Variants in SLMAP observed in about 807,000 individuals in gnomAD.
SLMAP encodes the protein sarcolemma associated protein, also known as sarcolemmal membrane-associated protein.
Under a neutral mutation model 128.8 loss-of-function variants are expected in SLMAP, and 44 were observed. That is an observed-to-expected ratio of 0.34 (90% confidence interval 0.27 to 0.44). SLMAP has a LOEUF of 0.44. SLMAP is among the 20% of genes least tolerant of loss of function. The probability of loss-of-function intolerance (pLI) is 1.00; values close to 1 mark genes in which losing one functional copy is unlikely to be tolerated. For missense variants in SLMAP, 787 were observed against 985.3 expected (o/e 0.80, Z 2.69); for synonymous variants, 327 against 348.8 (o/e 0.94, Z 0.70).
At chr3:57,920,922 C>T (rs1200387565) in intron 22 of SLMAP, among the ~76,000 whole-genome samples, 1 of 151,996 alleles carries the variant, frequency 6.6e-6, no homozygotes, top group African/African-American at 2.4e-5. Flanking sequence ...AGGGCTAAGG[C>T]ACAAGAATCC....
At chr3:57,859,231 G>C (rs2094932783) in intron 8 of SLMAP, among the ~76,000 whole-genome samples, 1 of 149,548 alleles carries the variant, frequency 6.7e-6, no homozygotes, top group African/African-American at 2.5e-5. Flanking sequence ...GGCTGAGACA[G>C]AATTGCTTAA....
At chr3:57,902,089 A>T (rs1243303143) in intron 17 of SLMAP, 1 of 152,210 alleles carries the variant, frequency 6.6e-6, no homozygotes, top group Non-Finnish European at 1.5e-5. Flanking sequence ...ACCTTGTATG[A>T]ATCTTCATTC....
intron 6 of SLMAP, among the ~76,000 whole-genome samples, chr3:57,853,728 G>T (rs369811197): frequency 3.0e-4 from 45 of 150,954 alleles, no homozygotes; most frequent in African/African-American, 1.1e-3. Flanking sequence ...ATCACCTGTG[G>T]TCAGGAGTTC....
intron 13 of SLMAP, among the ~76,000 whole-genome samples, chr3:57,869,630 T>TTATATGTATATATATATATA (rs1553900185): frequency 2.6e-5 from 2 of 75,474 alleles, no homozygotes; most frequent in African/African-American, 1.0e-4. Flanking sequence ...CCCATCTCTA[T>TTATATGTATATATATATATA]TATATATATA....
At chr3:57,924,573 G>A (rs990804007) in intron 23 of SLMAP, among the ~76,000 whole-genome samples, 1 of 151,960 alleles carries the variant, frequency 6.6e-6, no homozygotes, top group Non-Finnish European at 1.5e-5. Flanking sequence ...CTCCATGTTG[G>A]TCAGGCTGGT....
At chr3:57,873,396 G>A (rs2095529391) in intron 14 of SLMAP, among the ~76,000 whole-genome samples, 1 of 151,998 alleles carries the variant, frequency 6.6e-6, no homozygotes, top group African/African-American at 2.4e-5. Flanking sequence ...CCAGCTACTT[G>A]GGAGTCTGAG....
At chr3:57,901,294 C>T (rs2096374184) in intron 17 of SLMAP, 1 of 152,192 alleles carries the variant, frequency 6.6e-6, no homozygotes, top group Admixed American at 6.5e-5. Context: ...CTTACTCCCT[C>T]CCCCATTTAC....
At chr3:57,809,107 G>A (rs1395273781) in intron 2 of SLMAP, among the ~76,000 whole-genome samples, 2 of 152,248 alleles carry the variant, frequency 1.3e-5, no homozygotes, top group African/African-American at 2.4e-5. Context: ...ACAGCTGCAG[G>A]CACCCAAGTC....
intron 17 of SLMAP, among the ~76,000 whole-genome samples, chr3:57,906,314 T>TC (rs1559512823): frequency 1.7e-5 from 2 of 117,438 alleles, no homozygotes; most frequent in African/African-American, 3.2e-5. Context: ...TTTTTTCTTT[T>TC]TTTTTTTTTT....
At chr3:57,773,602 A>G (rs1191455154) in intron 2 of SLMAP, among the ~76,000 whole-genome samples, 1 of 152,150 alleles carries the variant, frequency 6.6e-6, no homozygotes, top group African/African-American at 2.4e-5. Context: ...GGGGAAAGCA[A>G]TGCCTCCACT....
chr3:57,776,522 C>CTTTTTTTT (rs1553775402), intron 2 of SLMAP, among the ~76,000 whole-genome samples: 1 of 92,610 alleles, frequency 1.1e-5, no homozygotes, highest in African/African-American at 4.7e-5. Flanking sequence ...CTCTCTCTCT[C>CTTTTTTTT]TTTTTTTTTT....
intron 2 of SLMAP, among the ~76,000 whole-genome samples, chr3:57,795,335 TGAGA>T (rs2086473810): frequency 2.0e-5 from 3 of 152,086 alleles, no homozygotes; most frequent in Non-Finnish European, 2.9e-5. Flanking sequence ...TTCAGGAGTT[TGAGA>T]CCAGCCTGGC....
intron 2 of SLMAP, among the ~76,000 whole-genome samples, chr3:57,787,122 A>G (rs530479433): frequency 6.6e-6 from 1 of 152,304 alleles, no homozygotes; most frequent in Admixed American, 6.5e-5. Flanking sequence ...GAGCATTCTA[A>G]TATCTATAAG....
At chr3:57,844,239 A>G (rs1485163093) in intron 4 of SLMAP, among the ~76,000 whole-genome samples, 2 of 151,968 alleles carry the variant, frequency 1.3e-5, no homozygotes, top group East Asian at 3.9e-4. Context: ...CTAAAAATAC[A>G]AAAAATTAGC....
At chr3:57,910,634 C>T (rs573148931) in intron 19 of SLMAP, among the ~76,000 whole-genome samples, 11 of 152,260 alleles carry the variant, frequency 7.2e-5, no homozygotes, top group Non-Finnish European at 1.2e-4. Flanking sequence ...CCCTGCCTGT[C>T]GAATGTTTAC....
At chr3:57,847,328 CT>C in intron 5 of SLMAP, 95 bp downstream of exon 5, 1 of 880,508 alleles carries the variant, frequency 1.1e-6, no homozygotes, top group Non-Finnish European at 1.9e-6. Context: ...ATTTATTTCT[CT>C]TTTATAACAA....
chr3:57,896,697 A>G (rs2096251914), intron 16 of SLMAP, 106 bp downstream of exon 16: 3 of 1,272,342 alleles, frequency 2.4e-6, no homozygotes, highest in Non-Finnish European at 3.2e-6. Flanking sequence ...GGAAAAAAAA[A>G]ACGCTTCCAT....
At chr3:57,921,324 TAAA>T (rs1385761294) in intron 22 of SLMAP, among the ~76,000 whole-genome samples, 2 of 152,104 alleles carry the variant, frequency 1.3e-5, no homozygotes. Flanking sequence ...TTTTGCTATT[TAAA>T]AATTTCTACT....
chr3:57,925,875 T>A lies in SLMAP; in HGVS notation c.2476T>A (p.Phe826Ile). The A allele has an allele frequency of 1.9e-6, 3 of 1,551,182 alleles. No homozygotes were observed. The highest frequency in any genetic ancestry group is 2.6e-6 in the Non-Finnish European group (3 of 1,147,070). Residue 826 changes from phenylalanine (F) to isoleucine (I), a missense_variant, in exon 24 of 25, where the codon TTC becomes ATC. Phe to Ile is a conservative substitution (Grantham distance 21, BLOSUM62 0). Coordinates refer to ENST00000671191, the MANE Select transcript of SLMAP (RefSeq NM_001377540.1). ...CATATTACAACCCGTCCCAGCCGTA[T>A]TCATCGGCCTATTCCTGGCTTTCCT... is the stretch of plus-strand genomic sequence containing the variant. Reference protein sequence around the residue: ...PSILQPVPAVFIGLFLAFLFW... With the variant: ...PSILQPVPAVIIGLFLAFLFW...
Sources: gnomAD v4.1 joint callset for allele counts (sites outside exome capture counted in the v4.1 genomes callset) on GRCh38, gnomAD v4.1.1 for gene constraint, MANE v1.5 for transcripts, NCBI Gene and HGNC (gene_info 2026-07-23, HGNC 2026-07-21) for gene names.